The following LANCL1 variants were observed in gnomAD, a reference collection of about 807,000 sequenced individuals.
LANCL1 encodes glutathione S-transferase LANCL1.
LANCL1 carries 50 observed loss-of-function variants against 50.6 expected under a neutral mutation model. The ratio of observed to expected loss-of-function variants is 0.99; its 90% CI spans 0.79 to 1.25. The LOEUF (loss-of-function observed/expected upper bound fraction) is 1.25. LANCL1 is among the 50% of genes most tolerant of loss of function. The pLI, the probability that LANCL1 is intolerant of heterozygous loss-of-function variation, is 0.00. For synonymous variants in LANCL1, 188 were observed against 178.6 expected (o/e 1.05, Z -0.42); for missense variants, 532 against 480.7 (o/e 1.11, Z -1.00).
At position 210,433,903 on chromosome 2, in the gene LANCL1, C is replaced by CAAAT. The variant is rs1022958152; in HGVS notation, c.*580_*583dup. 5 of 152,042 alleles carry CAAAT rather than the reference C, an allele frequency of 3.3e-5. No homozygotes were observed. The highest frequency in any genetic ancestry group is 9.7e-5 in the African/African-American group (4 of 41,396). 9.4% of individuals were successfully genotyped at this position (152,042 alleles called of 1,614,324 possible). A position where few individuals can be genotyped will look rare whatever the true frequency, so the allele number is the denominator to read the frequency against. On this transcript the variant is annotated 3_prime_UTR_variant, in exon 10 of 10. Coordinates refer to ENST00000450366, the MANE Select transcript of LANCL1 (RefSeq NM_006055.3). ...TCTGAAAGTATGTTTACCTCTAGTC[C>CAAAT]AAATAGGCATCAAGAATTTAAAAAA...
chr2:210,459,053 T>C (rs888428199), intron 3 of LANCL1, among the ~76,000 whole-genome samples: 2 of 152,010 alleles, frequency 1.3e-5, no homozygotes, highest in Admixed American at 6.6e-5. Context: ...AAAAATAGAG[T>C]GGAGACATGC....
chr2:210,462,194 AG>A lies in LANCL1; in HGVS notation c.200-6881del, dbSNP rs374091761. Among the ~76,000 whole-genome samples the A allele has an allele frequency of 5.3e-4, 81 of 152,252 alleles. 2 individuals are homozygous for A. In the South Asian group the frequency reaches 0.016, roughly 31 times the overall value. ...TAGCTGACCAGTGGATTTGATCTTA[AG>A]GGGCCTCCAGGCTTGCTATTTTTCT... On this transcript the variant is annotated intron_variant, in intron 3 of 9. Coordinates refer to ENST00000450366, the MANE Select transcript of LANCL1 (RefSeq NM_006055.3).
intron 3 of LANCL1, among the ~76,000 whole-genome samples, chr2:210,467,712 C>CTGCA (rs1326121442): frequency 1.3e-5 from 2 of 152,194 alleles, no homozygotes; most frequent in East Asian, 3.8e-4. Context: ...TGCCCTTAAA[C>CTGCA]TGCACATTGT....
intron 3 of LANCL1, 30 bp downstream of exon 3, chr2:210,471,929 T>A: frequency 6.9e-7 from 1 of 1,459,054 alleles, no homozygotes; most frequent in Non-Finnish European, 9.6e-7. Context: ...AGCACAATGC[T>A]TATGCCAGCT....
intron 6 of LANCL1, among the ~76,000 whole-genome samples, chr2:210,438,326 G>A (rs1693010466): frequency 6.6e-6 from 1 of 151,818 alleles, no homozygotes; most frequent in South Asian, 2.1e-4. Flanking sequence ...GTAAAGACGG[G>A]GTTTCACCAT....
intron 4 of LANCL1, among the ~76,000 whole-genome samples, chr2:210,447,974 C>T (rs552393711): frequency 1.1e-4 from 16 of 152,114 alleles, no homozygotes; most frequent in Admixed American, 3.9e-4. Context: ...AGGATATTCA[C>T]GACTTAAACT....
At position 210,442,488 on chromosome 2, in the gene LANCL1, C is replaced by T. The variant is rs552715631; in HGVS notation, c.408-1045G>A. ...TGAATTATAGTTCATTCAATCCCTA[C>T]GGATAGACTCAGTTGAGCTTCTCAG... On this transcript the variant is annotated intron_variant, in intron 4 of 9. Transcript: ENST00000450366. 6 of 152,326 alleles carry T rather than the reference C, an allele frequency of 3.9e-5. No homozygotes were observed. In the South Asian group the frequency reaches 8.3e-4, roughly 21 times the overall value. 9.4% of individuals were successfully genotyped at this position (152,326 alleles called of 1,614,324 possible). A position where few individuals can be genotyped will look rare whatever the true frequency, so the allele number is the denominator to read the frequency against.
intron 3 of LANCL1, among the ~76,000 whole-genome samples, chr2:210,469,892 A>G (rs560885746): frequency 1.4e-4 from 21 of 152,250 alleles, no homozygotes; most frequent in Non-Finnish European, 2.5e-4. Flanking sequence ...ACTCACAATA[A>G]TAATATGAGT....
chr2:210,467,224 C>A (rs965677405), intron 3 of LANCL1, among the ~76,000 whole-genome samples: 3 of 152,190 alleles, frequency 2.0e-5, no homozygotes, highest in African/African-American at 7.2e-5. Context: ...GACACTAAAG[C>A]AAATGGTGGA....
rs3836055 is a variant in LANCL1, at chr2:210,454,219, T to TACAC, written c.407+884_407+887dup. 7.4e-3 allele frequency among the ~76,000 whole-genome samples: 1,086 copies of TACAC among 147,696 alleles called. 7 individuals carry two copies. The highest frequency in any genetic ancestry group is 0.011 in the Non-Finnish European group (729 of 66,670). ...GGGAGAGAAGGGAGATATGCATACA[T>TACAC]ACACACACACACACACACACACACA... On this transcript the variant is annotated intron_variant, in intron 4 of 9. Coordinates refer to ENST00000450366, the MANE Select transcript of LANCL1 (RefSeq NM_006055.3).
At chr2:210,444,630 C>T (rs963111724) in intron 4 of LANCL1, among the ~76,000 whole-genome samples, 13 of 152,140 alleles carry the variant, frequency 8.5e-5, no homozygotes, top group Non-Finnish European at 1.5e-5. Context: ...GCTGGCTCAT[C>T]CATTTTTTTC....
chr2:210,476,756 T>TA lies in LANCL1; in HGVS notation c.-154dup. 3.8e-6 allele frequency: 4 copies of TA among 1,039,172 alleles called. No individual in the cohort carries two copies. Among genetic ancestry groups the TA allele is most frequent in the Non-Finnish European group, 4.6e-6 (4 of 862,790 alleles). The allele number at this position is 1,039,172 out of a possible 1,614,324, so 64.4% of individuals were successfully genotyped here. On this transcript the variant is annotated 5_prime_UTR_variant, in exon 1 of 10. Transcript: ENST00000450366. ...CCGGACAGTAACAGAAGGGCTATTT[T>TA]ACCGCCCAGTTCCTGCCAGGAGGGC...
chr2:210,474,788 C>T (rs1694312298), intron 2 of LANCL1, among the ~76,000 whole-genome samples: 1 of 146,264 alleles, frequency 6.8e-6, no homozygotes, highest in Non-Finnish European at 1.5e-5. Context: ...AAAGCATTTA[C>T]TTTATAGGCA....
chr2:210,466,172 T>A (rs1694052593), intron 3 of LANCL1, among the ~76,000 whole-genome samples: 1 of 152,144 alleles, frequency 6.6e-6, no homozygotes, highest in Non-Finnish European at 1.5e-5. Flanking sequence ...GTTTTTTCAA[T>A]AGTGCACAAT....
At chr2:210,439,896 T>C (rs992492461) in intron 6 of LANCL1, among the ~76,000 whole-genome samples, 2 of 152,166 alleles carry the variant, frequency 1.3e-5, no homozygotes, top group African/African-American at 4.8e-5. Flanking sequence ...TAAAAATCAA[T>C]TTTCTTTGCC....
intron 2 of LANCL1, among the ~76,000 whole-genome samples, chr2:210,473,306 T>TG (rs1694273396): frequency 6.6e-6 from 1 of 152,120 alleles, no homozygotes; most frequent in Non-Finnish European, 1.5e-5. Context: ...ACCTGGGAGA[T>TG]GGAGGTTGTG....
intron 8 of LANCL1, 136 bp from the exon 9 acceptor site, chr2:210,435,595 G>GAA: frequency 1.5e-6 from 1 of 689,168 alleles, no homozygotes; most frequent in Non-Finnish European, 2.6e-6. Context: ...TTAATGCAGA[G>GAA]AAAAGGATGG....
chr2:210,464,622 C>T (rs1693979956), intron 3 of LANCL1, among the ~76,000 whole-genome samples: 1 of 152,060 alleles, frequency 6.6e-6, no homozygotes, highest in Non-Finnish European at 1.5e-5. Context: ...TATTTTATCA[C>T]TAGGATAAAA....
chr2:210,439,105 A>G (rs1693040131), intron 6 of LANCL1, among the ~76,000 whole-genome samples: 1 of 152,250 alleles, frequency 6.6e-6, no homozygotes, highest in South Asian at 2.1e-4. Context: ...CAGTAGAATG[A>G]GTGGACTCTC....
Sources: allele counts gnomAD v4.1 joint callset (sites outside exome capture counted in the v4.1 genomes callset), GRCh38; gene constraint gnomAD v4.1.1; transcripts MANE v1.5; gene names NCBI Gene and HGNC (gene_info 2026-07-23, HGNC 2026-07-21).